Variants in RBMS1 observed in about 807,000 individuals in gnomAD.
RBMS1 encodes RNA binding motif single stranded interacting protein 1, also known as RNA-binding motif, single-stranded-interacting protein 1.
A neutral mutation model predicts 62.3 loss-of-function variants in RBMS1; 17 were observed. The ratio of observed to expected loss-of-function variants is 0.27; its 90% CI spans 0.19 to 0.41. The LOEUF is 0.41. Among genes scored for constraint, RBMS1 ranks in the 10% least tolerant of loss-of-function variants. The pLI is 1.00. For synonymous variants in RBMS1, 172 were observed against 170.0 expected, an observed-to-expected ratio of 1.01 and a Z score of -0.09; for missense variants, 334 against 504.5, an observed-to-expected ratio of 0.66 and a Z score of 3.24.
At chr2:160,355,496 C>T (rs1692749255) in intron 2 of RBMS1, among the ~76,000 whole-genome samples, 2 of 152,044 alleles carry the variant, frequency 1.3e-5, no homozygotes, top group Admixed American at 1.3e-4. Context: ...CTTAAGACTC[C>T]AAATCTTATA....
chr2:160,347,751 A>AAAAGTACC (rs1692264239), intron 2 of RBMS1, among the ~76,000 whole-genome samples: 1 of 152,122 alleles, frequency 6.6e-6, no homozygotes, highest in Non-Finnish European at 1.5e-5. Flanking sequence ...ATATATTATG[A>AAAAGTACC]TTCATAACAT....
At chr2:160,381,408 A>T (rs893538540) in intron 1 of RBMS1, among the ~76,000 whole-genome samples, 4 of 152,260 alleles carry the variant, frequency 2.6e-5, no homozygotes, top group African/African-American at 9.6e-5. Flanking sequence ...AATTTCTGGA[A>T]AATATTTTTT....
chr2:160,389,102 T>G (rs1694727932), intron 1 of RBMS1, among the ~76,000 whole-genome samples: 1 of 152,192 alleles, frequency 6.6e-6, no homozygotes, highest in African/African-American at 2.4e-5. Flanking sequence ...TCTAGGCGCA[T>G]CCCTGACACA....
chr2:160,287,950 C>A (rs1385286825), intron 6 of RBMS1, among the ~76,000 whole-genome samples: 2 of 149,572 alleles, frequency 1.3e-5, no homozygotes, highest in South Asian at 4.2e-4. Context: ...TATACCTATA[C>A]ATTTATATAA....
chr2:160,281,426 T>C, intron 9 of RBMS1, 62 bp from the exon 10 acceptor site: 3 of 1,306,658 alleles, frequency 2.3e-6, no homozygotes, highest in African/African-American at 1.5e-5. Context: ...CCTATTTCTT[T>C]AGAACTCTTT....
chr2:160,439,544 G>A (rs553038648), intron 1 of RBMS1, among the ~76,000 whole-genome samples: 67 of 151,810 alleles, frequency 4.4e-4, no homozygotes, highest in African/African-American at 1.6e-3. Flanking sequence ...GATGGCGGCC[G>A]GGCAGAGACG....
In RBMS1 at chr2:160,287,015, T is replaced by C; in HGVS notation, c.710A>G (p.Tyr237Cys). 6.2e-7 allele frequency: 1 copy of C among 1,613,708 alleles called. No homozygotes were observed. The highest frequency in any genetic ancestry group is 8.5e-7 in the Non-Finnish European group (1 of 1,179,976). Reference protein sequence around the residue: ...GQKKRQNPNKYIPNGRPWHRE... With the variant: ...GQKKRQNPNKCIPNGRPWHRE... ...ATGCCATGGTCTTCCATTAGGGATG[T>C]ATTTGTTTGGGTTCTGTCTCTTTTT... Residue 237 changes from tyrosine (Y) to cysteine (C), a missense_variant, in exon 7 of 14, where the codon TAC becomes TGC. Around this residue, in one of 3 missense-constraint regions of RBMS1, gnomAD observed 182 missense variants for 257.7 expected, o/e 0.71. Transcript: ENST00000348849.
At chr2:160,356,877 G>A (rs1692830405) in intron 2 of RBMS1, among the ~76,000 whole-genome samples, 1 of 152,074 alleles carries the variant, frequency 6.6e-6, no homozygotes, top group African/African-American at 2.4e-5. Context: ...TAGTTATCGG[G>A]AGACAACAAG....
Position 160,439,011 on chromosome 2 carries a change from G to C in RBMS1, c.75+54278C>G, listed in dbSNP as rs1023114447. On this transcript the variant is annotated intron_variant, in intron 1 of 13. Transcript: ENST00000348849. ...TCCCGGACGGGGCGGCTGGCCAGGCGGGGGGCTGACCCCCCAATCTCCCTC... is the reference window on the plus strand; with the variant it reads ...TCCCGGACGGGGCGGCTGGCCAGGCCGGGGGCTGACCCCCCAATCTCCCTC... Among the ~76,000 whole-genome samples the C allele has an allele frequency of 2.8e-3, 416 of 148,968 alleles. 14 individuals carry two copies. The highest frequency in any genetic ancestry group is 4.9e-4 in the Non-Finnish European group (33 of 66,998).
At chr2:160,455,315 G>A (rs762325955) in intron 1 of RBMS1, among the ~76,000 whole-genome samples, 1 of 152,104 alleles carries the variant, frequency 6.6e-6, no homozygotes, top group Non-Finnish European at 1.5e-5. Context: ...TCTCTGTTGC[G>A]AACAAATGTG....
chr2:160,285,804 A>G (rs888669099), intron 7 of RBMS1, among the ~76,000 whole-genome samples: 3 of 151,696 alleles, frequency 2.0e-5, no homozygotes, highest in Admixed American at 6.6e-5. Context: ...GTTAGATCCT[A>G]TCTCTATAAA....
intron 1 of RBMS1, among the ~76,000 whole-genome samples, chr2:160,378,195 A>G (rs185501347): frequency 4.3e-4 from 66 of 152,274 alleles, no homozygotes; most frequent in Non-Finnish European, 5.0e-4. Context: ...AAAGCTCCCA[A>G]AAAATGCTCG....
chr2:160,431,459 T>C (rs1279352156), intron 1 of RBMS1, among the ~76,000 whole-genome samples: 1 of 152,042 alleles, frequency 6.6e-6, no homozygotes, highest in African/African-American at 2.4e-5. Context: ...TGTTAAGTTA[T>C]AGAGGCTGGA....
intron 6 of RBMS1, among the ~76,000 whole-genome samples, chr2:160,293,667 TGA>T (rs1688791486): frequency 6.6e-6 from 1 of 152,158 alleles, no homozygotes; most frequent in East Asian, 1.9e-4. Flanking sequence ...CCTTTGTCTT[TGA>T]GAGGTGGTGG....
chr2:160,316,905 A>AT (rs1297299074), intron 3 of RBMS1, among the ~76,000 whole-genome samples: 1 of 151,916 alleles, frequency 6.6e-6, no homozygotes, highest in Non-Finnish European at 1.5e-5. Context: ...AAACCAAAAG[A>AT]TTTTTTTTCT....
At chr2:160,438,831 C>A (rs954141998) in intron 1 of RBMS1, among the ~76,000 whole-genome samples, 2 of 146,960 alleles carry the variant, frequency 1.4e-5, no homozygotes, top group Non-Finnish European at 3.0e-5. Flanking sequence ...TCCCAGTAGG[C>A]GCGGCCGGGC....
rs570203681 is a variant in RBMS1 at position 160,383,728 on chromosome 2, T to C, written c.76-16337A>G. Among the ~76,000 whole-genome samples the C allele has an allele frequency of 5.3e-5, 8 of 152,328 alleles. No individual in the cohort carries two copies. The South Asian group carries it at 1.7e-3, about 32-fold the overall frequency. On this transcript the variant is annotated intron_variant, in intron 1 of 13. Transcript: ENST00000348849. ...CATTCTATGGTGGTATAGCGAGCTA[T>C]GTAATCAGAGCACATACAGAGAATT...
chr2:160,343,417 G>C (rs1445490271), intron 2 of RBMS1, among the ~76,000 whole-genome samples: 1 of 152,128 alleles, frequency 6.6e-6, no homozygotes, highest in East Asian at 1.9e-4. Flanking sequence ...CTGTCTTATT[G>C]TAGCCAAATT....
intron 1 of RBMS1, among the ~76,000 whole-genome samples, chr2:160,485,661 A>G (rs1304628174): frequency 2.0e-5 from 3 of 151,914 alleles, no homozygotes; most frequent in Non-Finnish European, 2.9e-5. Context: ...TTTTGAACAA[A>G]TCACATAGAG....
Sources: gnomAD v4.1 joint callset for allele counts (sites outside exome capture counted in the v4.1 genomes callset) on GRCh38, gnomAD v4.1.1 for gene constraint, gnomAD v4.1.1 regional missense constraint, MANE v1.5 for transcripts, NCBI Gene and HGNC (gene_info 2026-07-23, HGNC 2026-07-21) for gene names.